IL1RAPL1: variants seen among roughly 807,000 people sequenced by gnomAD.
The protein encoded by IL1RAPL1 is interleukin 1 receptor accessory protein like 1.
A neutral mutation model predicts 48.4 loss-of-function variants in IL1RAPL1; 3 were observed. The ratio of observed to expected loss-of-function variants is 0.06; its 90% confidence interval spans 0.03 to 0.16. The LOEUF (loss-of-function observed/expected upper bound fraction) is 0.16. Ranked by LOEUF, IL1RAPL1 falls within the 10% of genes least tolerant of loss-of-function variation. The pLI is 1.00. For missense variants in IL1RAPL1, 349 were observed against 530.6 expected (o/e 0.66, Z 3.36); for synonymous variants, 185 against 187.7 (o/e 0.99, Z 0.12).
intron 6 of IL1RAPL1, among the ~76,000 whole-genome samples, chrX:29,690,614 A>G (rs961523484): frequency 8.9e-6 from 1 of 111,918 alleles, no homozygotes; most frequent in African/African-American, 3.2e-5. Flanking sequence ...AAAATTTACT[A>G]TATTTACTGT....
At chrX:29,045,986 C>T (rs1446236674) in intron 2 of IL1RAPL1, among the ~76,000 whole-genome samples, 2 of 84,879 alleles carry the variant, frequency 2.4e-5, no homozygotes, top group Non-Finnish European at 4.4e-5. Flanking sequence ...CCTTCTTCCT[C>T]CTCCTCCTCC....
In IL1RAPL1 at chrX:29,135,829, T is replaced by C. The variant is rs1178741453; in HGVS notation, c.83-147109T>C. Among the ~76,000 whole-genome samples the C allele has an allele frequency of 2.7e-5, 3 of 111,641 alleles. No homozygotes were observed. The East Asian group carries it at 8.5e-4, about 32-fold the overall frequency. ...GGCTCACTACAACTTCCATCTCCCA[T>C]GCTCAAGCGATCCTCCTGCCTCAGC... is the stretch of plus-strand genomic sequence containing the variant. On this transcript the variant is annotated intron_variant, in intron 2 of 10. Transcript: ENST00000378993.
At chrX:28,713,275 C>T (rs774075857) in intron 1 of IL1RAPL1, among the ~76,000 whole-genome samples, 90 of 110,411 alleles carry the variant, frequency 8.2e-4, no homozygotes, top group Non-Finnish European at 1.4e-3. Context: ...CCAGGATGGT[C>T]TCGATCTCCT....
At position 29,155,506 on chromosome X, in the gene IL1RAPL1, C is replaced by T. The variant is rs943083499; in HGVS notation, c.83-127432C>T. On this transcript the variant is annotated intron_variant, in intron 2 of 10. Transcript: ENST00000378993. ...GGGAGCCCTCAGGTACACTCATTGT[C>T]TTCATTAACTTCCTTTGTTAGAAAC... Among the ~76,000 whole-genome samples the T allele has an allele frequency of 3.6e-5, 4 of 111,713 alleles. No individual in the cohort carries two copies. In the East Asian group the frequency reaches 1.1e-3, roughly 31 times the overall value.
chrX:29,306,692 C>T (rs1461527126), intron 3 of IL1RAPL1, among the ~76,000 whole-genome samples: 17 of 105,587 alleles, frequency 1.6e-4, no homozygotes, highest in Non-Finnish European at 2.9e-4. Context: ...AAAACCCCAT[C>T]TCTACTAAAA....
chrX:28,963,490 TATATA>T lies in IL1RAPL1; in HGVS notation c.82+174066_82+174070del, dbSNP rs1249342693. Among the ~76,000 whole-genome samples the T allele has an allele frequency of 2.4e-4, 27 of 111,322 alleles. No homozygotes were observed. The South Asian group carries it at 0.01, about 42-fold the overall frequency. On this transcript the variant is annotated intron_variant, in intron 2 of 10. Transcript: ENST00000378993. The stretch of plus-strand genomic sequence containing the variant: ...TAATTAATACATAGAAATTAATAAA[TATATA>T]TACAAGTAGATGAAGTTAAAATTAA...
chrX:29,396,301 G>A lies in IL1RAPL1; in HGVS notation c.406G>A (p.Gly136Ser). ...CMKVSISLTV[G>S]ENDTGLCYNS... ...GAAAGTATCCATCTCACTGACAGTG[G>A]GTGAAAATGACACTGGACTCTGCTA... is the stretch of plus-strand genomic sequence containing the variant. The change falls in exon 4 of 11, where the codon GGT becomes AGT. Residue 136 changes from glycine (G) to serine (S), a missense_variant. Transcript: ENST00000378993. The A allele has an allele frequency of 8.3e-7, 1 of 1,207,472 alleles. No homozygotes were observed. The highest frequency in any genetic ancestry group is 1.1e-6 in the Non-Finnish European group (1 of 891,646).
intron 1 of IL1RAPL1, among the ~76,000 whole-genome samples, chrX:28,725,562 A>T (rs1171550991): frequency 2.7e-5 from 3 of 112,022 alleles, no homozygotes; most frequent in Non-Finnish European, 3.8e-5. Context: ...CTCTTAGCAC[A>T]TCTGTGTTTT....
At chrX:29,036,617 C>T (rs1488457404) in intron 2 of IL1RAPL1, among the ~76,000 whole-genome samples, 1 of 111,893 alleles carries the variant, frequency 8.9e-6, no homozygotes, top group Non-Finnish European at 1.9e-5. Flanking sequence ...GAGGTAGAAA[C>T]ATCACAACCA....
chrX:29,279,067 C>G (rs894111680), intron 2 of IL1RAPL1, among the ~76,000 whole-genome samples: 1 of 112,037 alleles, frequency 8.9e-6, no homozygotes, highest in African/African-American at 3.2e-5. Flanking sequence ...AAATATATCT[C>G]CTTCATCACT....
chrX:28,827,914 T>A (rs1357092804), intron 2 of IL1RAPL1, among the ~76,000 whole-genome samples: 1 of 112,154 alleles, frequency 8.9e-6, no homozygotes, highest in East Asian at 2.8e-4. Flanking sequence ...ATAACACTTT[T>A]ATAAGTACAG....
chrX:29,538,530 G>T (rs1168911097), intron 5 of IL1RAPL1, among the ~76,000 whole-genome samples: 3 of 107,529 alleles, frequency 2.8e-5, no homozygotes, highest in Admixed American at 1.0e-4. Flanking sequence ...TAGAGACAGG[G>T]TTTCACCATT....
chrX:29,647,325 G>GT (rs1462278091), intron 5 of IL1RAPL1, among the ~76,000 whole-genome samples: 2 of 102,515 alleles, frequency 2.0e-5, no homozygotes, highest in African/African-American at 7.3e-5. Context: ...CTCCAGCCTG[G>GT]TGACAGAGTG....
intron 2 of IL1RAPL1, among the ~76,000 whole-genome samples, chrX:28,906,684 A>G (rs1923224911): frequency 9.0e-6 from 1 of 111,658 alleles, no homozygotes; most frequent in Non-Finnish European, 1.9e-5. Flanking sequence ...TATTTAGGTA[A>G]ATAATTTGAT....
intron 1 of IL1RAPL1, among the ~76,000 whole-genome samples, chrX:28,726,555 C>CA (rs965239263): frequency 3.1e-4 from 34 of 111,467 alleles, no homozygotes; most frequent in African/African-American, 9.8e-4. Context: ...AACTCCCTCA[C>CA]AAAAAATACG....
chrX:28,601,642 G>T (rs148169513), intron 1 of IL1RAPL1, among the ~76,000 whole-genome samples: 107 of 111,104 alleles, frequency 9.6e-4, no homozygotes, highest in African/African-American at 3.3e-3. Context: ...GCTAGAATGA[G>T]GAATTTACTC....
At chrX:29,666,698 T>C (rs1158717273) in intron 5 of IL1RAPL1, among the ~76,000 whole-genome samples, 4 of 110,885 alleles carry the variant, frequency 3.6e-5, no homozygotes, top group Non-Finnish European at 7.5e-5. Context: ...TCTCTGTAGA[T>C]CTTTATTTTT....
rs60539139 is a variant in IL1RAPL1 at position 29,230,504 on chromosome X, C to CAAAAAA, written c.83-52408_83-52403dup. Among the ~76,000 whole-genome samples the CAAAAAA allele has an allele frequency of 1.0e-3, 17 of 16,590 alleles. 1 individual carries two copies. The highest frequency in any genetic ancestry group is 3.2e-3 in the African/African-American group (11 of 3,484). 14.4% of individuals were successfully genotyped at this position (16,590 alleles called of 115,157 possible). On this transcript the variant is annotated intron_variant, in intron 2 of 10. Coordinates refer to ENST00000378993, the MANE Select transcript of IL1RAPL1 (RefSeq NM_014271.4). ...TGCTCTATCATTATGGTCCCTTTAC[C>CAAAAAA]AAAAAAAAAAAAAAAAAAAAAAAAA...
chrX:29,037,157 C>T (rs1354800412), intron 2 of IL1RAPL1, among the ~76,000 whole-genome samples: 1 of 111,735 alleles, frequency 8.9e-6, no homozygotes, highest in Non-Finnish European at 1.9e-5. Flanking sequence ...CATGTATGAA[C>T]ATAAATATGA....
Sources: gnomAD v4.1 joint callset for allele counts (sites outside exome capture counted in the v4.1 genomes callset) on GRCh38, gnomAD v4.1.1 for gene constraint, MANE v1.5 for transcripts, NCBI Gene and HGNC (gene_info 2026-07-23, HGNC 2026-07-21) for gene names.